Variants in HLA-G observed in about 807,000 individuals in gnomAD.
HLA-G encodes major histocompatibility complex, class I, G.
In HLA-G, 34 loss-of-function variants were observed where a neutral mutation model predicts 39.3. The observed-to-expected ratio is 0.86, with a 90% CI of 0.66 to 1.15. HLA-G has a LOEUF of 1.15. HLA-G is among the 50% of genes most tolerant of loss of function. The pLI, the probability that HLA-G is intolerant of heterozygous loss-of-function variation, is 0.00. For missense variants in HLA-G, 419 were observed against 456.4 expected (o/e 0.92, Z 0.75); for synonymous variants, 183 against 185.8 (o/e 0.99, Z 0.12).
chr6:29,827,645 T>C (rs1237915009), upstream of HLA-G: 10 of 644,434 alleles, frequency 1.6e-5, no homozygotes, highest in South Asian at 8.2e-5. Context: ...GGTGTATGGG[T>C]TGGGGAGGCC....
Position 29,828,587 on chromosome 6 carries a change from G to T in HLA-G, c.388G>T (p.Asp130Tyr). Residue 130 changes from aspartate to tyrosine, a missense_variant, in exon 3 of 7, where the codon GAC (aspartate) becomes TAC (tyrosine). Coordinates refer to ENST00000360323, the MANE Select transcript of HLA-G (RefSeq NM_001384290.1). Reference protein sequence around the residue: ...QWMIGCDLGSDGRLLRGYEQY... With the variant: ...QWMIGCDLGSYGRLLRGYEQY... ...GATGATTGGCTGCGACCTGGGGTCCGACGGACGCCTCCTCCGCGGGTATGA... is the reference window on the plus strand; with the variant it reads ...GATGATTGGCTGCGACCTGGGGTCCTACGGACGCCTCCTCCGCGGGTATGA... The T allele has an allele frequency of 1.2e-6, 2 of 1,613,058 alleles. No individual in the cohort carries two copies. Among genetic ancestry groups the T allele is most frequent in the Non-Finnish European group, 1.7e-6 (2 of 1,179,976 alleles).
In HLA-G at chr6:29,830,919, C is replaced by G; in HGVS notation, c.*180C>G. The G allele has an allele frequency of 3.5e-6, 1 of 289,750 alleles. No homozygotes were observed. The highest frequency in any genetic ancestry group is 7.3e-6 in the Non-Finnish European group (1 of 137,034). 17.9% of individuals were successfully genotyped at this position (289,750 alleles called of 1,614,324 possible). A position where few individuals can be genotyped will look rare whatever the true frequency, so the allele number is the denominator to read the frequency against. On this transcript the variant is annotated 3_prime_UTR_variant, in exon 7 of 7. Coordinates refer to ENST00000360323, the MANE Select transcript of HLA-G (RefSeq NM_001384290.1). ...CTGCATTCCTTCCCCAATCACCTTT[C>G]CTGTTCCAGAAAAGGGGCTGGGATG...
intron 1 of HLA-G, 25 bp downstream of exon 1, chr6:29,827,942 C>T: frequency 1.9e-6 from 3 of 1,601,736 alleles, no homozygotes; most frequent in South Asian, 2.2e-5. Context: ...AGGAGGGAAA[C>T]AGCCCCTGCG....
intron 5 of HLA-G, 111 bp from the exon 6 acceptor site, chr6:29,830,267 G>A (rs1470910133): frequency 1.6e-5 from 19 of 1,195,646 alleles, no homozygotes; most frequent in African/African-American, 1.5e-5. Context: ...CCCTGGGTCT[G>A]CAGTCACACA....
upstream of HLA-G, chr6:29,827,769 C>T: frequency 2.1e-6 from 3 of 1,428,256 alleles, no homozygotes; most frequent in Admixed American, 3.4e-5. Context: ...TTTAGAGAAG[C>T]CAATCAGCGT....
At chr6:29,829,724 TTAGGG>T (rs1294249540) in intron 4 of HLA-G, 31 bp downstream of exon 4, 1 of 1,609,356 alleles carries the variant, frequency 6.2e-7, no homozygotes, top group Admixed American at 1.7e-5. Context: ...ATCATGTCTG[TTAGGG>T]AAAGCAGGAG....
At chr6:29,827,308 A>T (rs1428073300), upstream of HLA-G, 1 of 357,342 alleles carries the variant, frequency 2.8e-6, no homozygotes, top group Non-Finnish European at 5.5e-6. Flanking sequence ...AAGGGGGAAA[A>T]AAAACCCTGT....
chr6:29,828,782 T>C lies in HLA-G; in HGVS notation c.583T>C (p.Tyr195His), dbSNP rs762321434. The change falls in exon 3 of 7, where the codon TAC becomes CAC. Residue 195 changes from tyrosine to histidine, a missense_variant. By Grantham distance (83) the Tyr-to-His change is moderately conservative. Around this residue, in one of 2 missense-constraint regions of HLA-G, gnomAD observed 328 missense variants for 323.0 expected, o/e 1.02. Coordinates refer to ENST00000360323, the MANE Select transcript of HLA-G (RefSeq NM_001384290.1). ...EGTCVEWLHR[Y>H]LENGKEMLQR... is the part of the protein sequence containing the mutation. Reference sequence around the variant, plus strand: ...CACGTGCGTGGAGTGGCTCCACAGATACCTGGAGAACGGGAAGGAGATGCT... The same window carrying C: ...CACGTGCGTGGAGTGGCTCCACAGACACCTGGAGAACGGGAAGGAGATGCT... 8.1e-6 allele frequency: 13 copies of C among 1,613,850 alleles called. No individual in the cohort carries two copies. Among genetic ancestry groups the C allele is most frequent in the East Asian group, 2.2e-5 (1 of 44,882 alleles).
At position 29,828,561 on chromosome 6, in the gene HLA-G, G is replaced by A; in HGVS notation, c.362G>A (p.Trp121Ter). The stretch of plus-strand genomic sequence containing the variant: ...GGGCCAGGTTCTCACACCCTCCAGT[G>A]GATGATTGGCTGCGACCTGGGGTCC... ...QSEASSHTLQ[W>*]MIGCDLGSDG... The change falls in exon 3 of 7, where the codon TGG (tryptophan) becomes TAG (stop). Residue 121 changes from tryptophan to a stop codon, truncating the protein, a stop_gained. Transcript: ENST00000360323. LOFTEE classifies it high-confidence loss of function. 6.2e-7 allele frequency: 1 copy of A among 1,612,952 alleles called. No individual in the cohort carries two copies. Among genetic ancestry groups the A allele is most frequent in the South Asian group, 1.1e-5 (1 of 91,078 alleles).
chr6:29,826,882 T>C (rs1055878206), upstream of HLA-G: 3 of 427,482 alleles, frequency 7.0e-6, no homozygotes, highest in African/African-American at 6.2e-5. Context: ...AGGCAGTGCG[T>C]GAGCACTAGT....
chr6:29,827,915 C>G lies in HLA-G; in HGVS notation c.71C>G (p.Ala24Gly), dbSNP rs1202168553. ...SGALTLTETW[A>G]GSHSMRYFSA... ...GCCCTGACCCTGACCGAGACCTGGG[C>G]GGGTGAGTGCGGGGTCAGGAGGGAA... Residue 24 changes from alanine (A) to glycine (G), a missense_variant and splice_region_variant, in exon 1 of 7, where the codon GCG becomes GGG. Ala to Gly is a moderately conservative substitution (Grantham distance 60). Transcript: ENST00000360323. The G allele has an allele frequency of 6.2e-7, 1 of 1,609,978 alleles. No homozygotes were observed. Among genetic ancestry groups the G allele is most frequent in the Non-Finnish European group, 8.5e-7 (1 of 1,178,412 alleles).
upstream of HLA-G, chr6:29,826,980 G>A (rs1760728928): frequency 1.6e-5 from 8 of 513,756 alleles, no homozygotes; most frequent in South Asian, 8.9e-5. Context: ...TAGTAACATA[G>A]TGTGGTACTT....
rs905197453 is a variant in HLA-G at position 29,829,344 on chromosome 6, G to C, written c.620-74G>C. ...CAGGTATCTGGTTCATTCTTAGGAT[G>C]GTCACATCCAGGTGCTGCTGGAGTG... On this transcript the variant is annotated intron_variant, in intron 3 of 6. Transcript: ENST00000360323. 5.3e-6 allele frequency: 8 copies of C among 1,502,662 alleles called. No individual in the cohort carries two copies. The African/African-American group carries it at 9.7e-5, about 18-fold the overall frequency. 93.1% of individuals were successfully genotyped at this position (1,502,662 alleles called of 1,614,324 possible). A position where few individuals can be genotyped will look rare whatever the true frequency, so the allele number is the denominator to read the frequency against.
Position 29,827,920 on chromosome 6 carries a change from G to A in HLA-G, c.73+3G>A. On this transcript the variant is annotated splice_donor_region_variant and intron_variant, in intron 1 of 6. Coordinates refer to ENST00000360323, the MANE Select transcript of HLA-G (RefSeq NM_001384290.1). Reference sequence around the variant, plus strand: ...GACCCTGACCGAGACCTGGGCGGGTGAGTGCGGGGTCAGGAGGGAAACAGC... The same window carrying A: ...GACCCTGACCGAGACCTGGGCGGGTAAGTGCGGGGTCAGGAGGGAAACAGC... 1 of 1,610,254 alleles carries A rather than the reference G, an allele frequency of 6.2e-7. No individual in the cohort carries two copies. Among genetic ancestry groups the A allele is most frequent in the Non-Finnish European group, 8.5e-7 (1 of 1,178,534 alleles).
chr6:29,826,506 A>G (rs1760701341), upstream of HLA-G, among the ~76,000 whole-genome samples: 1 of 152,188 alleles, frequency 6.6e-6, no homozygotes, highest in Non-Finnish European at 1.5e-5. Context: ...GAGAACACTC[A>G]TGTAGCAGGT....
chr6:29,827,859 G>T lies in HLA-G; in HGVS notation c.15G>T (p.Ala5=). 1.9e-6 allele frequency: 3 copies of T among 1,612,574 alleles called. No homozygotes were observed. The highest frequency in any genetic ancestry group is 2.7e-5 in the African/African-American group (2 of 74,750). Residue 5 remains alanine (A), a synonymous_variant, in exon 1 of 7, where the codon GCG becomes GCT. Coordinates refer to ENST00000360323, the MANE Select transcript of HLA-G (RefSeq NM_001384290.1). MVVM[A]PRTLFLLLSG... ...AGACGCCAAGGATGGTGGTCATGGCGCCCCGAACCCTCTTCCTGCTGCTCT... is the reference window on the plus strand; with the variant it reads ...AGACGCCAAGGATGGTGGTCATGGCTCCCCGAACCCTCTTCCTGCTGCTCT...
upstream of HLA-G, chr6:29,827,817 C>T (rs756276120): frequency 6.2e-7 from 1 of 1,604,472 alleles, no homozygotes; most frequent in Non-Finnish European, 8.5e-7. Flanking sequence ...GCTCACCCAC[C>T]CGGACTCATT....
rs765798458 is a variant in HLA-G at position 29,829,932 on chromosome 6, G to A, written c.1012G>A (p.Asp338Asn). ...TGTGCTGTGGAGAAAGAAGAGCTCA[G>A]GTAAGGAAGGGGTGACAAGTGGGGT... ...AAVLWRKKSS[D>N] The change falls in exon 5 of 7, where the codon GAT becomes AAT. Residue 338 changes from aspartate to asparagine, a missense_variant and splice_region_variant. Physicochemically the swap from Asp to Asn is conservative, Grantham distance 23. This residue lies in a region of HLA-G where 328 missense variants were observed against 323.0 expected (regional missense o/e 1.02). Coordinates refer to ENST00000360323, the MANE Select transcript of HLA-G (RefSeq NM_001384290.1). The A allele has an allele frequency of 1.9e-6, 3 of 1,602,102 alleles. No individual in the cohort carries two copies. The highest frequency in any genetic ancestry group is 1.1e-5 in the South Asian group (1 of 90,534).
rs1436990139 is a variant in HLA-G, at chr6:29,830,773, A to C, written c.*34A>C. Reference sequence around the variant, plus strand: ...TCATGAATATTTTTCTGTAGTGTGAAACAGCTGCCCTGTGTGGGACTGAGT... The same window carrying C: ...TCATGAATATTTTTCTGTAGTGTGACACAGCTGCCCTGTGTGGGACTGAGT... On this transcript the variant is annotated 3_prime_UTR_variant, in exon 7 of 7. Coordinates refer to ENST00000360323, the MANE Select transcript of HLA-G (RefSeq NM_001384290.1). The C allele has an allele frequency of 1.6e-5, 8 of 504,530 alleles. No individual in the cohort carries two copies. The highest frequency in any genetic ancestry group is 3.2e-5 in the Non-Finnish European group (8 of 253,352). The allele number at this position is 504,530 out of a possible 1,614,324, so 31.3% of individuals were successfully genotyped here.
Sources: allele counts gnomAD v4.1 joint callset (sites outside exome capture counted in the v4.1 genomes callset), GRCh38; gene constraint gnomAD v4.1.1; regional missense constraint gnomAD v4.1.1; transcripts MANE v1.5; gene names NCBI Gene and HGNC (gene_info 2026-07-23, HGNC 2026-07-21).